Variants in PDILT observed in about 807,000 individuals in gnomAD.
The protein encoded by PDILT is protein disulfide isomerase like, testis expressed.
Under a neutral mutation model 53.7 loss-of-function variants are expected in PDILT, and 43 were observed. That is an observed-to-expected ratio of 0.80 (90% CI 0.63 to 1.03). PDILT has a LOEUF of 1.03. PDILT is among the 50% of genes least tolerant of loss of function. The probability of loss-of-function intolerance (pLI) is 0.00; values close to 1 mark genes in which losing one functional copy is unlikely to be tolerated. For synonymous variants in PDILT, 282 were observed against 274.2 expected, an observed-to-expected ratio of 1.03 and a Z score of -0.28; for missense variants, 727 against 712.3, an observed-to-expected ratio of 1.02 and a Z score of -0.24.
chr16:20,372,692 A>G, intron 7 of PDILT, 110 bp downstream of exon 7: 3 of 1,327,444 alleles, frequency 2.3e-6, no homozygotes, highest in Non-Finnish European at 3.1e-6. Context: ...GCAAGTGCCA[A>G]TCTTTCCTGA....
chr16:20,376,538 A>G (rs1966391813), intron 3 of PDILT, among the ~76,000 whole-genome samples: 1 of 152,224 alleles, frequency 6.6e-6, no homozygotes, highest in African/African-American at 2.4e-5. Context: ...CAGGCACCCA[A>G]CTAGAGAACC....
At chr16:20,366,167 T>G (rs1966188923) in intron 8 of PDILT, among the ~76,000 whole-genome samples, 1 of 151,900 alleles carries the variant, frequency 6.6e-6, no homozygotes, top group Non-Finnish European at 1.5e-5. Context: ...GCATGACCTA[T>G]AAAACCTTGA....
rs768614622 is a variant in PDILT, at chr16:20,372,781, G to A, written c.918+21C>T. 2.5e-6 allele frequency: 4 copies of A among 1,610,272 alleles called. No individual in the cohort carries two copies. The South Asian group carries it at 4.4e-5, about 18-fold the overall frequency. On this transcript the variant is annotated intron_variant, in intron 7 of 11. Coordinates refer to ENST00000302451, the MANE Select transcript of PDILT (RefSeq NM_174924.2). ...GATCCTCATCCAGGAGTCCCAGAGA[G>A]CAATGGTGCACTCTACAAACCTTGT...
At chr16:20,388,179 G>A (rs373369035) in intron 2 of PDILT, among the ~76,000 whole-genome samples, 8 of 152,086 alleles carry the variant, frequency 5.3e-5, no homozygotes, top group South Asian at 4.2e-4. Context: ...CACTATCATC[G>A]CCATAATGAT....
chr16:20,381,785 G>A (rs1317344792), intron 3 of PDILT, among the ~76,000 whole-genome samples: 1 of 152,126 alleles, frequency 6.6e-6, no homozygotes, highest in Admixed American at 6.5e-5. Flanking sequence ...TCTCTGGTTA[G>A]AAGTAATACT....
chr16:20,360,724 C>T, intron 10 of PDILT, 67 bp from the exon 11 acceptor site: 1 of 1,197,770 alleles, frequency 8.3e-7, no homozygotes, highest in Non-Finnish European at 1.2e-6. Flanking sequence ...AGGATTGCTA[C>T]CTAGGTAAAC....
In PDILT at chr16:20,373,012, C is replaced by G; in HGVS notation, c.792G>C (p.Glu264Asp). ...CTCCGGGGACCATTTACTCACTGAC[C>G]TCAGTGTTGTATTCGATCACAAAAT... is the stretch of plus-strand genomic sequence containing the variant. ...LTDFVIEYNT[E>D]NKDLISELHI... Residue 264 changes from glutamate (E) to aspartate (D), a missense_variant and splice_region_variant, in exon 6 of 12, where the codon GAG (glutamate) becomes GAC (aspartate). Transcript: ENST00000302451. 1.2e-6 allele frequency: 2 copies of G among 1,613,992 alleles called. No individual in the cohort carries two copies. The highest frequency in any genetic ancestry group is 1.7e-6 in the Non-Finnish European group (2 of 1,179,924).
chr16:20,381,982 A>C (rs979149598), intron 3 of PDILT, among the ~76,000 whole-genome samples: 1 of 152,134 alleles, frequency 6.6e-6, no homozygotes, highest in Admixed American at 6.5e-5. Context: ...CACTGCAGTC[A>C]CAAATTCCTG....
intron 3 of PDILT, 95 bp downstream of exon 3, chr16:20,384,550 A>G (rs913481548): frequency 6.9e-7 from 1 of 1,457,478 alleles, no homozygotes; most frequent in African/African-American, 1.4e-5. Context: ...GGTCCCCGAG[A>G]AGCTGCATGG....
chr16:20,401,178 T>G (rs1358390038), intron 1 of PDILT, among the ~76,000 whole-genome samples: 1 of 152,206 alleles, frequency 6.6e-6, no homozygotes, highest in Non-Finnish European at 1.5e-5. Flanking sequence ...AAGGGCTCAT[T>G]ACTGTCAGCC....
In PDILT at chr16:20,362,467, G is replaced by C. The variant is rs1249377014; in HGVS notation, c.1353C>G (p.Asp451Glu). 6.2e-7 allele frequency: 1 copy of C among 1,614,114 alleles called. No individual in the cohort carries two copies. Among genetic ancestry groups the C allele is most frequent in the Non-Finnish European group, 8.5e-7 (1 of 1,180,054 alleles). Reference sequence around the variant, plus strand: ...ACCGGTCCAGGTACATCAGCTGAATGTCATTTGCTGTGACATCGATCTTGG... The same window carrying C: ...ACCGGTCCAGGTACATCAGCTGAATCTCATTTGCTGTGACATCGATCTTGG... ...IIAKIDVTANDIQLMYLDRYP... is the reference protein window; with the variant it reads ...IIAKIDVTANEIQLMYLDRYP... The change falls in exon 10 of 12, where the codon GAC becomes GAG. Residue 451 changes from aspartate (D) to glutamate (E), a missense_variant. Physicochemically the swap from Asp to Glu is conservative, Grantham distance 45. Coordinates refer to ENST00000302451, the MANE Select transcript of PDILT (RefSeq NM_174924.2).
At chr16:20,373,317 T>C (rs935495806) in intron 5 of PDILT, among the ~76,000 whole-genome samples, 195 bp from the exon 6 acceptor site, 38 of 152,218 alleles carry the variant, frequency 2.5e-4, no homozygotes, top group African/African-American at 8.7e-4. Context: ...TCTGGGTAGG[T>C]GACAGCCATG....
chr16:20,400,532 T>C (rs1361701481), intron 1 of PDILT, among the ~76,000 whole-genome samples: 1 of 151,312 alleles, frequency 6.6e-6, no homozygotes, highest in African/African-American at 2.4e-5. Flanking sequence ...GACCAATTAA[T>C]TCAGAATTGC....
chr16:20,379,927 C>T (rs1185812059), intron 3 of PDILT, among the ~76,000 whole-genome samples: 1 of 152,188 alleles, frequency 6.6e-6, no homozygotes, highest in Admixed American at 6.5e-5. Flanking sequence ...ACAGTGTTTC[C>T]AGCCATCTTT....
Position 20,373,112 on chromosome 16 carries a change from A to C in PDILT, c.692T>G (p.Val231Gly). ...GTCATTAATAAGCTTTTGGCGGTTC[A>C]CAATTTTTCCCTTGTACAAAAGGAG... ...SVLVFKKGKI[V>G]NRQKLINDST... The change falls in exon 6 of 12, where the codon GTG (valine) becomes GGG (glycine). Residue 231 changes from valine to glycine, a missense_variant. Coordinates refer to ENST00000302451, the MANE Select transcript of PDILT (RefSeq NM_174924.2). 6.2e-7 allele frequency: 1 copy of C among 1,613,938 alleles called. No individual in the cohort carries two copies. Among genetic ancestry groups the C allele is most frequent in the Non-Finnish European group, 8.5e-7 (1 of 1,179,816 alleles).
intron 9 of PDILT, among the ~76,000 whole-genome samples, 184 bp from the exon 10 acceptor site, chr16:20,362,766 C>T (rs1364285303): frequency 2.0e-5 from 3 of 151,846 alleles, no homozygotes; most frequent in Non-Finnish European, 4.4e-5. Context: ...AATTGTTATT[C>T]GATAAATTAG....
intron 10 of PDILT, 59 bp from the exon 11 acceptor site, chr16:20,360,716 G>A (rs766119087): frequency 7.7e-7 from 1 of 1,292,790 alleles, no homozygotes. Flanking sequence ...GATGCTCGAG[G>A]ATTGCTACCT....
At chr16:20,363,968 T>C (rs1966152154) in intron 9 of PDILT, among the ~76,000 whole-genome samples, 1 of 152,124 alleles carries the variant, frequency 6.6e-6, no homozygotes, top group Non-Finnish European at 1.5e-5. Flanking sequence ...GTAAGCGAAA[T>C]GGCCTCAAAA....
intron 5 of PDILT, among the ~76,000 whole-genome samples, chr16:20,374,526 G>A (rs550173714): frequency 6.6e-6 from 1 of 152,284 alleles, no homozygotes; most frequent in Non-Finnish European, 1.5e-5. Flanking sequence ...TGTGTGTATA[G>A]CATAGATGGT....
Sources: gnomAD v4.1 joint callset for allele counts (sites outside exome capture counted in the v4.1 genomes callset) on GRCh38, gnomAD v4.1.1 for gene constraint, MANE v1.5 for transcripts, NCBI Gene and HGNC (gene_info 2026-07-23, HGNC 2026-07-21) for gene names.